ASTN2: variants seen among roughly 807,000 people sequenced by gnomAD.
The protein encoded by ASTN2 is astrotactin-2.
A neutral mutation model predicts 139.8 loss-of-function variants in ASTN2; 54 were observed. The observed-to-expected ratio is 0.39, with a 90% CI of 0.31 to 0.48. The LOEUF (loss-of-function observed/expected upper bound fraction) is 0.48. Ranked by LOEUF, ASTN2 falls within the 20% of genes least tolerant of loss-of-function variation. The pLI is 0.95. For missense variants in ASTN2, 1,565 were observed against 1,725.1 expected (o/e 0.91, Z 1.64); for synonymous variants, 756 against 719.5 (o/e 1.05, Z -0.81).
At chr9:116,911,489 A>G (rs1471659551) in intron 10 of ASTN2, among the ~76,000 whole-genome samples, 1 of 152,230 alleles carries the variant, frequency 6.6e-6, no homozygotes, top group Non-Finnish European at 1.5e-5. Context: ...CAGAAAGAGG[A>G]TATTAGTGGA....
rs928320954 is a variant in ASTN2, at chr9:117,011,898, G to C, written c.1424-3639C>G. On this transcript the variant is annotated intron_variant, in intron 6 of 22. Coordinates refer to ENST00000313400, the MANE Select transcript of ASTN2 (RefSeq NM_001365068.1). ...TGAGGCTCAGGGGTTTTGGTCAGTT[G>C]CTTTTTATGGTCCTTTTCCTCTGTC... Among the ~76,000 whole-genome samples, 3 of 152,132 alleles carry C rather than the reference G, an allele frequency of 2.0e-5. No homozygotes were observed. In the East Asian group the frequency reaches 5.8e-4, roughly 29 times the overall value.
rs79480438 is a variant in ASTN2 at position 116,709,841 on chromosome 9, C to A, written c.2806+15930G>T. 7.7e-3 allele frequency among the ~76,000 whole-genome samples: 1,174 copies of A among 152,284 alleles called. 26 individuals carry two copies. Among genetic ancestry groups the A allele is most frequent in the East Asian group, 0.069 (358 of 5,180 alleles). On this transcript the variant is annotated intron_variant, in intron 16 of 22. Transcript: ENST00000313400. ...CTCTTGTACAAGGCATTTAATGGAACTTTCACCTCCCTTACCAGCCTCAGG... is the reference window on the plus strand; with the variant it reads ...CTCTTGTACAAGGCATTTAATGGAAATTTCACCTCCCTTACCAGCCTCAGG...
rs191367129 is a variant in ASTN2, at chr9:116,423,560, A to G, written c.*2291T>C. Among the ~76,000 whole-genome samples, 6 of 152,362 alleles carry G rather than the reference A, an allele frequency of 3.9e-5. No individual in the cohort carries two copies. In the East Asian group the frequency reaches 9.6e-4, roughly 24 times the overall value. ...CTCTGAAAACTTGGGACCCAGGCCC[A>G]GCAAACTGATAGCTCTCTGAAGGCC... On this transcript the variant is annotated 3_prime_UTR_variant, in exon 23 of 23. Transcript: ENST00000313400.
At chr9:116,620,166 TA>T in intron 18 of ASTN2, 143 bp downstream of exon 18, 7 of 1,179,710 alleles carry the variant, frequency 5.9e-6, no homozygotes, top group Admixed American at 2.6e-5. Flanking sequence ...CCTTCTTTCC[TA>T]AAAAAGGAGG....
At chr9:116,844,619 G>A (rs1388752735) in intron 11 of ASTN2, among the ~76,000 whole-genome samples, 1 of 151,150 alleles carries the variant, frequency 6.6e-6, no homozygotes, top group East Asian at 1.9e-4. Context: ...AAAACAAAAA[G>A]TTAGACATTT....
At chr9:116,840,803 C>T (rs1222191785) in intron 11 of ASTN2, among the ~76,000 whole-genome samples, 1 of 150,626 alleles carries the variant, frequency 6.6e-6, no homozygotes, top group African/African-American at 2.4e-5. Context: ...AGACGCTCCT[C>T]ACTTCCCAGA....
chr9:116,684,957 T>C (rs1447038193), intron 16 of ASTN2, among the ~76,000 whole-genome samples: 9 of 152,214 alleles, frequency 5.9e-5, no homozygotes, highest in Non-Finnish European at 1.3e-4. Flanking sequence ...CTGTAGTTCA[T>C]AGTTTAAACA....
chr9:116,792,017 A>G (rs1280925489), intron 13 of ASTN2, among the ~76,000 whole-genome samples: 1 of 152,192 alleles, frequency 6.6e-6, no homozygotes, highest in Admixed American at 6.5e-5. Flanking sequence ...TTTTCTTCAT[A>G]AAATGACCAG....
intron 1 of ASTN2, among the ~76,000 whole-genome samples, chr9:117,358,119 G>C (rs1829592506): frequency 6.6e-6 from 1 of 152,126 alleles, no homozygotes; most frequent in Admixed American, 6.6e-5. Context: ...ATCATACTTA[G>C]CGTTTAAGAA....
intron 19 of ASTN2, among the ~76,000 whole-genome samples, chr9:116,565,721 G>C (rs938042958): frequency 1.3e-5 from 2 of 151,878 alleles, no homozygotes; most frequent in Non-Finnish European, 2.9e-5. Flanking sequence ...GGACTCAAGA[G>C]ATCCACCTGT....
chr9:117,389,590 G>A (rs1830491585), intron 1 of ASTN2, among the ~76,000 whole-genome samples: 1 of 152,076 alleles, frequency 6.6e-6, no homozygotes, highest in African/African-American at 2.4e-5. Context: ...CTTCCCCAGT[G>A]GTCTACTCAG....
intron 19 of ASTN2, among the ~76,000 whole-genome samples, chr9:116,587,138 T>G (rs1854191206): frequency 6.6e-6 from 1 of 151,908 alleles, no homozygotes; most frequent in Non-Finnish European, 1.5e-5. Context: ...GTCAGGAGTT[T>G]GAGACTAGCC....
chr9:116,992,322 CCCCTGGAG>C (rs1170890713), intron 7 of ASTN2, among the ~76,000 whole-genome samples: 22 of 152,266 alleles, frequency 1.4e-4, no homozygotes, highest in African/African-American at 5.1e-4. Flanking sequence ...GCTCCTCCCA[CCCCTGGAG>C]CCTTTTGTTA....
intron 1 of ASTN2, among the ~76,000 whole-genome samples, chr9:117,401,540 CAG>C (rs1182311804): frequency 1.3e-5 from 2 of 152,140 alleles, no homozygotes; most frequent in Non-Finnish European, 2.9e-5. Flanking sequence ...AGGTCGTAAA[CAG>C]GGGAGTGGCA....
At chr9:116,606,789 G>GA in intron 19 of ASTN2, among the ~76,000 whole-genome samples, 1 of 152,000 alleles carries the variant, frequency 6.6e-6, no homozygotes, top group South Asian at 2.1e-4. Context: ...AATAGCTTGT[G>GA]AAAAAGGTGC....
intron 6 of ASTN2, 58 bp from the exon 7 acceptor site, chr9:117,008,317 C>T (rs1322096228): frequency 2.1e-5 from 30 of 1,457,608 alleles, no homozygotes; most frequent in South Asian, 8.9e-5. Context: ...TTAGCTGATG[C>T]TACAGAACAC....
Position 117,414,718 on chromosome 9 carries a change from G to C in ASTN2, c.221C>G (p.Pro74Arg). 3.1e-6 allele frequency: 4 copies of C among 1,276,944 alleles called. No homozygotes were observed. The highest frequency in any genetic ancestry group is 3.0e-6 in the Non-Finnish European group (3 of 1,011,308). The allele number at this position is 1,276,944 out of a possible 1,614,324, so 79.1% of individuals were successfully genotyped here. A position where few individuals can be genotyped will look rare whatever the true frequency, so the allele number is the denominator to read the frequency against. Residue 74 changes from proline to arginine, a missense_variant, in exon 1 of 23, where the codon CCC (proline) becomes CGC (arginine). Pro to Arg is a moderately radical substitution (Grantham distance 103). This residue lies in a region of ASTN2 where 596 missense variants were observed against 576.8 expected (regional missense o/e 1.03). Coordinates refer to ENST00000313400, the MANE Select transcript of ASTN2 (RefSeq NM_001365068.1). The surrounding 1 kb of genome is among the most constrained non-coding windows in gnomAD (Gnocchi z 4.2). The part of the protein sequence containing the change: ...RLKTVTVSTL[P>R]ALRESDIGWS... Reference sequence around the variant, plus strand: ...GCCGATGTCGCTCTCCCGCAGGGCGGGCAGTGTGGACACCGTGACGGTCTT... The same window carrying C: ...GCCGATGTCGCTCTCCCGCAGGGCGCGCAGTGTGGACACCGTGACGGTCTT...
In ASTN2 at chr9:116,663,060, C is replaced by T. The variant is rs1858655769; in HGVS notation, c.2807-11267G>A. ...TGAAAACTGTGTTTAAAACTTACTC[C>T]TCAAGAACGGATTCCAAGATTAGTT... On this transcript the variant is annotated intron_variant, in intron 16 of 22. Transcript: ENST00000313400. Among the ~76,000 whole-genome samples, 4 of 152,206 alleles carry T rather than the reference C, an allele frequency of 2.6e-5. No individual in the cohort carries two copies. In the South Asian group the frequency reaches 8.3e-4, roughly 32 times the overall value.
chr9:116,632,128 A>AGAGAGAG (rs1856774279), intron 17 of ASTN2, among the ~76,000 whole-genome samples: 1 of 47,760 alleles, frequency 2.1e-5, no homozygotes, highest in Admixed American at 2.9e-4. Flanking sequence ...AAAGAAAAAG[A>AGAGAGAG]AGAGAGAGAG....
Sources: allele counts gnomAD v4.1 joint callset (sites outside exome capture counted in the v4.1 genomes callset), GRCh38; gene constraint gnomAD v4.1.1; regional missense constraint gnomAD v4.1.1; non-coding constraint Gnocchi (gnomAD v3.1); transcripts MANE v1.5; gene names NCBI Gene and HGNC (gene_info 2026-07-23, HGNC 2026-07-21).